The following ITFG1 variants were observed in gnomAD, a reference collection of about 807,000 sequenced individuals.
ITFG1 encodes the protein T-cell immunomodulatory protein.
ITFG1 carries 34 observed loss-of-function variants against 81.8 expected under a neutral mutation model. That is an observed-to-expected ratio of 0.42 (90% CI 0.32 to 0.55). The LOEUF is 0.55. Ranked by LOEUF, ITFG1 falls within the 20% of genes least tolerant of loss-of-function variation. The probability of loss-of-function intolerance (pLI) is 0.17; values close to 1 mark genes in which losing one functional copy is unlikely to be tolerated. For missense variants in ITFG1, 672 were observed against 755.4 expected, an observed-to-expected ratio of 0.89 and a Z score of 1.29; for synonymous variants, 285 against 270.6, an observed-to-expected ratio of 1.05 and a Z score of -0.52.
intron 6 of ITFG1, among the ~76,000 whole-genome samples, chr16:47,404,099 G>GA (rs1596961008): frequency 1.3e-5 from 2 of 152,066 alleles, no homozygotes; most frequent in African/African-American, 4.8e-5. Flanking sequence ...CTCGTCTGTG[G>GA]AAAAATAGTC....
intron 1 of ITFG1, among the ~76,000 whole-genome samples, 156 bp downstream of exon 1, chr16:47,460,682 A>C (rs1038246801): frequency 2.6e-5 from 4 of 152,110 alleles, no homozygotes; most frequent in Admixed American, 6.5e-5. Context: ...GGGTGGTGCA[A>C]AAGGACAAGC....
chr16:47,441,971 C>A (rs1208276370), intron 5 of ITFG1, among the ~76,000 whole-genome samples: 1 of 152,192 alleles, frequency 6.6e-6, no homozygotes, highest in African/African-American at 2.4e-5. Flanking sequence ...TGATAAGCAA[C>A]TTCAGCAAAG....
chr16:47,156,003 A>C (rs1964698500), intron 17 of ITFG1, among the ~76,000 whole-genome samples: 1 of 152,224 alleles, frequency 6.6e-6, no homozygotes, highest in South Asian at 2.1e-4. Flanking sequence ...TACTTAAGGC[A>C]CATTAAATAC....
chr16:47,403,109 T>A (rs905950296), intron 6 of ITFG1, among the ~76,000 whole-genome samples: 2 of 152,244 alleles, frequency 1.3e-5, no homozygotes, highest in Non-Finnish European at 2.9e-5. Flanking sequence ...GACAAATTTT[T>A]TTAAAAAGAT....
At chr16:47,342,871 T>C (rs1483455974) in intron 8 of ITFG1, among the ~76,000 whole-genome samples, 1 of 152,136 alleles carries the variant, frequency 6.6e-6, no homozygotes, top group Non-Finnish European at 1.5e-5. Flanking sequence ...AAATGGAAAG[T>C]CTGTATTCAG....
At chr16:47,255,491 G>T (rs1966129068) in intron 12 of ITFG1, among the ~76,000 whole-genome samples, 1 of 152,192 alleles carries the variant, frequency 6.6e-6, no homozygotes, top group Non-Finnish European at 1.5e-5. Flanking sequence ...CAGCAAACAG[G>T]TCAAGGTGGA....
At chr16:47,414,182 C>T (rs963441608) in intron 6 of ITFG1, among the ~76,000 whole-genome samples, 1 of 151,998 alleles carries the variant, frequency 6.6e-6, no homozygotes, top group African/African-American at 2.4e-5. Context: ...AAAAGAAATA[C>T]ATAAATGCCC....
Position 47,409,374 on chromosome 16 carries a change from C to CTATATA in ITFG1, c.655+19424_655+19429dup, listed in dbSNP as rs1187875461. ...ACATAACAAGACACATACACACACA[C>CTATATA]TATATATATATATATATATATATAT... On this transcript the variant is annotated intron_variant, in intron 6 of 17. Coordinates refer to ENST00000320640, the MANE Select transcript of ITFG1 (RefSeq NM_030790.5). 6.2e-3 allele frequency among the ~76,000 whole-genome samples: 130 copies of CTATATA among 20,968 alleles called. 2 individuals carry two copies. The highest frequency in any genetic ancestry group is 0.012 in the East Asian group (2 of 172). 13.8% of individuals were successfully genotyped at this position (20,968 alleles called of 152,430 possible).
At chr16:47,300,504 C>A (rs1337004335) in intron 10 of ITFG1, among the ~76,000 whole-genome samples, 1 of 152,178 alleles carries the variant, frequency 6.6e-6, no homozygotes, top group African/African-American at 2.4e-5. Context: ...CCTGGAGGAA[C>A]TGGAGACTAT....
At chr16:47,409,527 C>T (rs546553879) in intron 6 of ITFG1, among the ~76,000 whole-genome samples, 28 of 144,004 alleles carry the variant, frequency 1.9e-4, no homozygotes, top group Non-Finnish European at 3.5e-4. Flanking sequence ...GCAATTCACC[C>T]GCCTCAGCCT....
chr16:47,303,508 T>C (rs1030934330), intron 10 of ITFG1, among the ~76,000 whole-genome samples: 4 of 152,132 alleles, frequency 2.6e-5, no homozygotes, highest in Admixed American at 6.5e-5. Flanking sequence ...GGGGAAAAGG[T>C]TGCAAAGTGA....
chr16:47,268,802 C>T (rs997525658), intron 10 of ITFG1, among the ~76,000 whole-genome samples: 7 of 152,134 alleles, frequency 4.6e-5, no homozygotes, highest in Non-Finnish European at 1.0e-4. Context: ...ATTATAATTA[C>T]TAAAATCATG....
chr16:47,423,168 C>A (rs996373581), intron 6 of ITFG1, among the ~76,000 whole-genome samples: 1 of 151,924 alleles, frequency 6.6e-6, no homozygotes. Flanking sequence ...ATCCCTTTAC[C>A]ATTATGTAGT....
chr16:47,424,531 C>T (rs953903777), intron 6 of ITFG1, among the ~76,000 whole-genome samples: 4 of 152,234 alleles, frequency 2.6e-5, no homozygotes, highest in African/African-American at 9.6e-5. Flanking sequence ...TTGGAATTTT[C>T]AGCTTTTCTG....
At chr16:47,344,033 G>T (rs1293325004) in intron 8 of ITFG1, among the ~76,000 whole-genome samples, 1 of 152,014 alleles carries the variant, frequency 6.6e-6, no homozygotes, top group South Asian at 2.1e-4. Flanking sequence ...GACACAAAAG[G>T]GCAAATATTG....
At chr16:47,443,007 C>T (rs1969274195) in intron 5 of ITFG1, among the ~76,000 whole-genome samples, 1 of 152,032 alleles carries the variant, frequency 6.6e-6, no homozygotes, top group African/African-American at 2.4e-5. Context: ...ACTCATGTGA[C>T]AAAGGGCTAA....
chr16:47,382,182 T>C (rs1290073749), intron 6 of ITFG1, among the ~76,000 whole-genome samples: 1 of 152,214 alleles, frequency 6.6e-6, no homozygotes, highest in Non-Finnish European at 1.5e-5. Context: ...GTCTCCAGGC[T>C]GATTTTGCTC....
At position 47,235,727 on chromosome 16, in the gene ITFG1, G is replaced by C. The variant is rs142601515; in HGVS notation, c.1374+2238C>G. On this transcript the variant is annotated intron_variant, in intron 13 of 17. Coordinates refer to ENST00000320640, the MANE Select transcript of ITFG1 (RefSeq NM_030790.5). ...TATGGGATGTATATTTTCTCTCTCA[G>C]TTTCACACTGGGTCACATCCAATAT... is the stretch of plus-strand genomic sequence containing the variant. Among the ~76,000 whole-genome samples, 885 of 152,272 alleles carry C rather than the reference G, an allele frequency of 5.8e-3. 7 individuals carry two copies. The highest frequency in any genetic ancestry group is 0.02 in the African/African-American group (844 of 41,556).
intron 2 of ITFG1, among the ~76,000 whole-genome samples, chr16:47,458,259 GA>G (rs1341586197): frequency 6.6e-6 from 1 of 152,078 alleles, no homozygotes; most frequent in Non-Finnish European, 1.5e-5. Flanking sequence ...TTAACTCCCC[GA>G]AGTGTACCTT....
Sources: allele counts gnomAD v4.1 joint callset (sites outside exome capture counted in the v4.1 genomes callset), GRCh38; gene constraint gnomAD v4.1.1; transcripts MANE v1.5; gene names NCBI Gene and HGNC (gene_info 2026-07-23, HGNC 2026-07-21).